ARHGAP25: variants seen among roughly 807,000 people sequenced by gnomAD.
ARHGAP25 encodes the protein rho GTPase-activating protein 25.
A neutral mutation model predicts 71.0 loss-of-function variants in ARHGAP25; 34 were observed. The observed-to-expected ratio is 0.48, with a 90% CI of 0.36 to 0.64. The LOEUF (loss-of-function observed/expected upper bound fraction) is 0.64. Among genes scored for constraint, ARHGAP25 ranks in the 30% least tolerant of loss-of-function variants. The probability of loss-of-function intolerance (pLI) is 0.00; values close to 1 mark genes in which losing one functional copy is unlikely to be tolerated. For missense variants in ARHGAP25, 706 were observed against 805.1 expected, an observed-to-expected ratio of 0.88 and a Z score of 1.49; for synonymous variants, 282 against 296.5, an observed-to-expected ratio of 0.95 and a Z score of 0.50.
rs114555491 is a variant in ARHGAP25 at position 68,821,163 on chromosome 2, C to T, written c.1201-1177C>T. On this transcript the variant is annotated intron_variant, in intron 9 of 10. Coordinates refer to ENST00000409202, the MANE Select transcript of ARHGAP25 (RefSeq NM_001007231.3). ...TTAAGCTGGAGTGCGGTGGTGCGAT[C>T]ACAGCTTACTGCAGCCTTGACCTCC... Among the ~76,000 whole-genome samples, 387 of 136,286 alleles carry T rather than the reference C, an allele frequency of 2.8e-3. 1 individual carries two copies. The highest frequency in any genetic ancestry group is 0.01 in the African/African-American group (372 of 36,096). The allele number at this position is 136,286 out of a possible 152,430, so 89.4% of individuals were successfully genotyped here.
At chr2:68,755,809 T>C (rs1360635190) in intron 1 of ARHGAP25, among the ~76,000 whole-genome samples, 2 of 152,260 alleles carry the variant, frequency 1.3e-5, no homozygotes, top group Non-Finnish European at 2.9e-5. Flanking sequence ...TGATTTGTTC[T>C]TGAGCACACG....
chr2:68,762,555 G>C (rs1676891579), intron 1 of ARHGAP25, among the ~76,000 whole-genome samples: 1 of 151,998 alleles, frequency 6.6e-6, no homozygotes, highest in Non-Finnish European at 1.5e-5. Flanking sequence ...GCATCCTGGG[G>C]TCCCGGTGTT....
chr2:68,826,668 A>C lies in ARHGAP25; in HGVS notation c.*474A>C, dbSNP rs1167227504. On this transcript the variant is annotated 3_prime_UTR_variant, in exon 11 of 11. Transcript: ENST00000409202. ...TGGAGTGCTGTGTTTGGGGGGCTGC[A>C]TCTGCTGAAGCGAGAACCCCATTCT... 4.3e-6 allele frequency: 1 copy of C among 231,732 alleles called. No homozygotes were observed. The allele number at this position is 231,732 out of a possible 1,614,324, so 14.4% of individuals were successfully genotyped here. A position where few individuals can be genotyped will look rare whatever the true frequency, so the allele number is the denominator to read the frequency against.
intron 2 of ARHGAP25, among the ~76,000 whole-genome samples, chr2:68,779,710 C>T (rs2104384828): frequency 6.6e-6 from 1 of 152,300 alleles, no homozygotes. Context: ...TCTGTCCTTC[C>T]ATCTTTATAC....
intron 1 of ARHGAP25, among the ~76,000 whole-genome samples, chr2:68,770,684 A>G (rs4073028): frequency 0.072 from 10,955 of 152,062 alleles, 529 homozygotes; most frequent in African/African-American, 0.13. Flanking sequence ...CCTTTCCAGT[A>G]CTCTCTCACA....
intron 10 of ARHGAP25, among the ~76,000 whole-genome samples, chr2:68,824,294 G>A (rs1369470305): frequency 6.6e-6 from 1 of 152,110 alleles, no homozygotes; most frequent in Non-Finnish European, 1.5e-5. Context: ...CATCAGTTGG[G>A]GAAGCCTCCC....
intron 1 of ARHGAP25, among the ~76,000 whole-genome samples, chr2:68,755,318 C>G (rs1374553120): frequency 1.3e-5 from 2 of 152,184 alleles, no homozygotes; most frequent in Admixed American, 6.5e-5. Context: ...GGCCTCCTCC[C>G]AAAGATCATA....
chr2:68,817,640 A>C, intron 7 of ARHGAP25, among the ~76,000 whole-genome samples: 1 of 151,210 alleles, frequency 6.6e-6, no homozygotes, highest in African/African-American at 2.4e-5. Context: ...GATTCCATTC[A>C]CCTCCCCATC....
rs756372791 is a variant in ARHGAP25, at chr2:68,735,172, C to T, written c.-28C>T. On this transcript the variant is annotated 5_prime_UTR_variant, in exon 1 of 11. Coordinates refer to ENST00000409202, the MANE Select transcript of ARHGAP25 (RefSeq NM_001007231.3). ...AAACTGTGACAGACTCACCGCTTCA[C>T]TAACTACTCACTTAAACTGGAAGCA... 2 of 1,598,736 alleles carry T rather than the reference C, an allele frequency of 1.3e-6. No homozygotes were observed. Among genetic ancestry groups the T allele is most frequent in the Non-Finnish European group, 8.6e-7 (1 of 1,166,178 alleles).
intron 4 of ARHGAP25, among the ~76,000 whole-genome samples, chr2:68,797,610 G>T (rs775584280): frequency 1.3e-5 from 2 of 152,168 alleles, no homozygotes; most frequent in Admixed American, 6.5e-5. Flanking sequence ...GGCCGCAAGG[G>T]TTCATCCCCC....
intron 1 of ARHGAP25, among the ~76,000 whole-genome samples, chr2:68,736,028 G>A (rs1165819012): frequency 1.3e-5 from 2 of 152,050 alleles, no homozygotes; most frequent in Non-Finnish European, 2.9e-5. Context: ...AGAGCAATCG[G>A]GCTGAAAACT....
intron 4 of ARHGAP25, among the ~76,000 whole-genome samples, chr2:68,802,259 T>A (rs1167562709): frequency 6.6e-6 from 1 of 151,514 alleles, no homozygotes; most frequent in East Asian, 1.9e-4. Flanking sequence ...ATACAAAATA[T>A]CATCCAGGTG....
intron 2 of ARHGAP25, among the ~76,000 whole-genome samples, chr2:68,717,550 G>A (rs1674644470): frequency 6.6e-6 from 1 of 152,202 alleles, no homozygotes; most frequent in African/African-American, 2.4e-5. Flanking sequence ...AGGGTGTTAG[G>A]TAAAAACTGC....
At chr2:68,813,474 G>T in intron 6 of ARHGAP25, 55 bp downstream of exon 6, 1 of 1,581,574 alleles carries the variant, frequency 6.3e-7, no homozygotes. Flanking sequence ...TGGTTTTCTG[G>T]ACACTAATCC....
intron 10 of ARHGAP25, 46 bp from the exon 11 acceptor site, chr2:68,825,941 A>C (rs1682094948): frequency 6.5e-7 from 1 of 1,538,568 alleles, no homozygotes; most frequent in Non-Finnish European, 8.9e-7. Flanking sequence ...GGAAGAGTCT[A>C]GAATGAATGC....
chr2:68,822,381 G>T lies in ARHGAP25; in HGVS notation c.1242G>T (p.Pro414=), dbSNP rs370858973. 1.9e-6 allele frequency: 3 copies of T among 1,613,958 alleles called. No individual in the cohort carries two copies. Among genetic ancestry groups the T allele is most frequent in the African/African-American group, 2.7e-5 (2 of 74,874 alleles). The part of the protein sequence containing the change: ...SDTTSPTGQQ[P]SDAFPEDSSK... Reference sequence around the variant, plus strand: ...CAACCAGCCCCACCGGACAGCAGCCGAGCGATGCGTTTCCGGAGGACAGCA... The same window carrying T: ...CAACCAGCCCCACCGGACAGCAGCCTAGCGATGCGTTTCCGGAGGACAGCA... Residue 414 remains proline (P), a synonymous_variant, in exon 10 of 11, where the codon CCG becomes CCT. Transcript: ENST00000409202.
chr2:68,740,880 A>G (rs1675485524), intron 1 of ARHGAP25, among the ~76,000 whole-genome samples: 1 of 152,128 alleles, frequency 6.6e-6, no homozygotes, highest in Non-Finnish European at 1.5e-5. Flanking sequence ...TTGTCCATTG[A>G]CTCTTCTTGA....
intron 6 of ARHGAP25, among the ~76,000 whole-genome samples, chr2:68,814,081 A>C (rs1248924047): frequency 1.3e-5 from 2 of 152,212 alleles, no homozygotes; most frequent in African/African-American, 4.8e-5. Context: ...CAACAACAAT[A>C]AACCTTGATG....
At position 68,798,140 on chromosome 2, in the gene ARHGAP25, G is replaced by T. The variant is rs528048341; in HGVS notation, c.467-9133G>T. On this transcript the variant is annotated intron_variant, in intron 4 of 10. Transcript: ENST00000409202. ...GTGTTTTAAGCATCATTGTGTGTTT[G>T]CCAACAGGAAGCATACTGTATGTAA... Among the ~76,000 whole-genome samples the T allele has an allele frequency of 2.0e-5, 3 of 152,252 alleles. No individual in the cohort carries two copies. In the South Asian group the frequency reaches 6.2e-4, roughly 32 times the overall value.
Sources: gnomAD v4.1 joint callset for allele counts (sites outside exome capture counted in the v4.1 genomes callset) on GRCh38, gnomAD v4.1.1 for gene constraint, MANE v1.5 for transcripts, NCBI Gene and HGNC (gene_info 2026-07-23, HGNC 2026-07-21) for gene names.